SLC29A2: variants seen among roughly 807,000 people sequenced by gnomAD.
SLC29A2 encodes the protein solute carrier family 29 member 2.
A neutral mutation model predicts 48.8 loss-of-function variants in SLC29A2; 37 were observed. The ratio of observed to expected loss-of-function variants is 0.76; its 90% CI spans 0.58 to 1.00. The LOEUF (loss-of-function observed/expected upper bound fraction) is 1.00. SLC29A2 is among the 50% of genes least tolerant of loss of function. SLC29A2 has a pLI of 0.00. For missense variants in SLC29A2, 533 were observed against 578.6 expected (o/e 0.92, Z 0.81); for synonymous variants, 233 against 261.7 (o/e 0.89, Z 1.06).
In SLC29A2 at chr11:66,363,420, G is replaced by A. The variant is rs924262810; in HGVS notation, c.*16C>T. 1 of 1,580,300 alleles carries A rather than the reference G, an allele frequency of 6.3e-7. No individual in the cohort carries two copies. Among genetic ancestry groups the A allele is most frequent in the Non-Finnish European group, 8.7e-7 (1 of 1,149,344 alleles). On this transcript the variant is annotated 3_prime_UTR_variant, in exon 12 of 12. Transcript: ENST00000357440. ...GACGTCGAGAAGAGGCTGCCAAAGA[G>A]CCTGGAGGGGCCACTTCAGAGCAGC...
intron 11 of SLC29A2, 136 bp from the exon 12 acceptor site, chr11:66,363,683 C>G: frequency 1.4e-6 from 1 of 710,190 alleles, no homozygotes; most frequent in Admixed American, 2.1e-5. Flanking sequence ...CTTTCCGGGC[C>G]TCAGTTTCCT....
At chr11:66,365,915 A>C in intron 10 of SLC29A2, 21 bp downstream of exon 10, 1 of 1,608,956 alleles carries the variant, frequency 6.2e-7, no homozygotes, top group Non-Finnish European at 8.5e-7. Flanking sequence ...ACATCGGATC[A>C]CCCAGCCCTG....
Position 66,366,181 on chromosome 11 carries a change from G to T in SLC29A2, c.918C>A (p.Ser306=). 1 of 1,614,184 alleles carries T rather than the reference G, an allele frequency of 6.2e-7. No homozygotes were observed. The highest frequency in any genetic ancestry group is 8.5e-7 in the Non-Finnish European group (1 of 1,180,010). ...CCATGGCTGTGATGGCGGGGAAGAC[G>T]GACAGGGTGACTGTGAAGACCAACA... The part of the protein sequence containing the change: ...CLVLVFTVTL[S]VFPAITAMVT... The change falls in exon 9 of 12, where the codon TCC becomes TCA. Residue 306 remains serine, a synonymous_variant. Transcript: ENST00000357440.
At chr11:66,370,243 G>A (rs1855952306) in intron 2 of SLC29A2, among the ~76,000 whole-genome samples, 1 of 152,202 alleles carries the variant, frequency 6.6e-6, no homozygotes, top group South Asian at 2.1e-4. Context: ...CTTCCATGAA[G>A]CAGAAGGAAC....
chr11:66,367,212 T>TGGTCTTC (rs1163695280), intron 7 of SLC29A2, among the ~76,000 whole-genome samples: 2 of 152,210 alleles, frequency 1.3e-5, no homozygotes, highest in African/African-American at 2.4e-5. Flanking sequence ...GTATTCCAAT[T>TGGTCTTC]CAGAGGTCTT....
chr11:66,367,539 G>A lies in SLC29A2; in HGVS notation c.658C>T (p.Arg220Cys), dbSNP rs962219949. The A allele has an allele frequency of 1.1e-5, 18 of 1,613,938 alleles. No homozygotes were observed. Among genetic ancestry groups the A allele is most frequent in the East Asian group, 6.7e-5 (3 of 44,888 alleles). The change falls in exon 7 of 12, where the codon CGC (arginine) becomes TGC (cysteine). Residue 220 changes from arginine to cysteine, a missense_variant. By Grantham distance (180) the Arg-to-Cys change is radical. Transcript: ENST00000357440. ...GATGATTTATTGGCCAGGTAGTAGC[G>A]GGCAAACTTCTGCAGAAGGACAGGA... ...YLSLPHLKFA[R>C]YYLANKSSQA...
chr11:66,369,000 A>T, intron 4 of SLC29A2, 60 bp downstream of exon 4: 1 of 1,560,780 alleles, frequency 6.4e-7, no homozygotes, highest in Non-Finnish European at 8.7e-7. Flanking sequence ...GGCCCTTTCA[A>T]TGATGAGGCC....
At position 66,363,042 on chromosome 11, in the gene SLC29A2, TG is replaced by T. The variant is rs1229857524; in HGVS notation, c.*393del. 1 of 304,024 alleles carries T rather than the reference TG, an allele frequency of 3.3e-6. No homozygotes were observed. The highest frequency in any genetic ancestry group is 4.5e-5 in the Admixed American group (1 of 22,384). The allele number at this position is 304,024 out of a possible 1,614,324, so 18.8% of individuals were successfully genotyped here. A position where few individuals can be genotyped will look rare whatever the true frequency, so the allele number is the denominator to read the frequency against. On this transcript the variant is annotated 3_prime_UTR_variant, in exon 12 of 12. Coordinates refer to ENST00000357440, the MANE Select transcript of SLC29A2 (RefSeq NM_001532.3). ...CCTTTTACCCTGGGTGGCTGAGGCCTGGGAAGATGAGGCGCTCCTGGCCTGG... is the reference window on the plus strand; with the variant it reads ...CCTTTTACCCTGGGTGGCTGAGGCCTGGAAGATGAGGCGCTCCTGGCCTGG...
At chr11:66,367,367 TG>T in intron 7 of SLC29A2, 96 bp downstream of exon 7, 1 of 989,530 alleles carries the variant, frequency 1.0e-6, no homozygotes, top group Non-Finnish European at 1.6e-6. Context: ...CTACTAGGGG[TG>T]GGCTCTGGCT....
rs767767981 is a variant in SLC29A2 at position 66,366,033 on chromosome 11, A to G, written c.974-12T>C. 9 of 1,613,752 alleles carry G rather than the reference A, an allele frequency of 5.6e-6. No individual in the cohort carries two copies. The highest frequency in any genetic ancestry group is 2.2e-5 in the East Asian group (1 of 44,866). On this transcript the variant is annotated splice_polypyrimidine_tract_variant and intron_variant, in intron 9 of 11. Transcript: ENST00000357440. ...GTTGAAGAACTGACCTGGGAGGGAA[A>G]CGGCTGCAGCTCATACTGGTCTCCA... is the stretch of plus-strand genomic sequence containing the variant.
rs746371660 is a variant in SLC29A2, at chr11:66,363,452, A to C, written c.1355T>G (p.Phe452Cys). The C allele has an allele frequency of 1.2e-6, 2 of 1,613,806 alleles. No individual in the cohort carries two copies. Among genetic ancestry groups the C allele is most frequent in the South Asian group, 2.2e-5 (2 of 91,056 alleles). Residue 452 changes from phenylalanine to cysteine, a missense_variant, in exon 12 of 12, where the codon TTC becomes TGC. Phe to Cys is a radical substitution (Grantham distance 205, BLOSUM62 -2). Transcript: ENST00000357440. The stretch of plus-strand genomic sequence containing the variant: ...GGGGCCACTTCAGAGCAGCGCCTTG[A>C]AGAGGAAGGAGAGGGAGGCTCCACA... ...LSCGASLSFL[F>C]KALL
At chr11:66,364,990 A>G (rs1446301357) in intron 10 of SLC29A2, among the ~76,000 whole-genome samples, 1 of 151,938 alleles carries the variant, frequency 6.6e-6, no homozygotes, top group Non-Finnish European at 1.5e-5. Flanking sequence ...TCTGTCTCCC[A>G]GGCTGGAGAG....
At chr11:66,367,284 T>C (rs1041265815) in intron 7 of SLC29A2, among the ~76,000 whole-genome samples, 180 bp downstream of exon 7, 1 of 152,196 alleles carries the variant, frequency 6.6e-6, no homozygotes, top group Non-Finnish European at 1.5e-5. Flanking sequence ...AGGTGGAAAC[T>C]GAGGCCCAAA....
rs760598356 is a variant in SLC29A2, at chr11:66,369,142, G to A, written c.333C>T (p.Ala111=). Residue 111 remains alanine, a synonymous_variant, in exon 4 of 12, where the codon GCC becomes GCT. Coordinates refer to ENST00000357440, the MANE Select transcript of SLC29A2 (RefSeq NM_001532.3). ...CCACCTTGACCAGCGCTGCTGTCAG[G>A]GCAAAGAGCAGCAGTATGGCCAGCA... The part of the protein sequence containing the change: ...GSLLAILLLF[A]LTAALVKVDM... 6.3e-6 allele frequency: 10 copies of A among 1,584,162 alleles called. No homozygotes were observed. Among genetic ancestry groups the A allele is most frequent in the Non-Finnish European group, 8.6e-6 (10 of 1,165,426 alleles).
chr11:66,365,427 A>C (rs1396095650), intron 10 of SLC29A2, among the ~76,000 whole-genome samples: 1 of 152,242 alleles, frequency 6.6e-6, no homozygotes, highest in Non-Finnish European at 1.5e-5. Context: ...CCGCATCTAC[A>C]GTTTACGTAC....
intron 3 of SLC29A2, 77 bp from the exon 4 acceptor site, chr11:66,369,276 C>T (rs1172569887): frequency 1.3e-6 from 2 of 1,587,282 alleles, no homozygotes; most frequent in Non-Finnish European, 1.7e-6. Flanking sequence ...ACACCTGGGG[C>T]TGGGCAGTAG....
intron 2 of SLC29A2, 28 bp downstream of exon 2, chr11:66,371,216 G>A (rs1244857311): frequency 6.2e-7 from 1 of 1,603,096 alleles, no homozygotes. Context: ...CTGTGGCCAC[G>A]AGGCTGCCAC....
At chr11:66,366,102 C>T (rs769744710) in intron 9 of SLC29A2, 24 bp downstream of exon 9, 39 of 1,607,382 alleles carry the variant, frequency 2.4e-5, no homozygotes, top group African/African-American at 2.7e-5. Context: ...CCTGCCCTGC[C>T]GTCTTCTCCA....
rs35962792 is a variant in SLC29A2 at position 66,370,858 on chromosome 11, C to CAA, written c.111+384_111+385dup. 9.7e-3 allele frequency among the ~76,000 whole-genome samples: 890 copies of CAA among 92,072 alleles called. 15 individuals carry two copies. The highest frequency in any genetic ancestry group is 0.027 in the African/African-American group (632 of 23,820). 60.4% of individuals were successfully genotyped at this position (92,072 alleles called of 152,430 possible). On this transcript the variant is annotated intron_variant, in intron 2 of 11. Transcript: ENST00000357440. ...TGGGCGAAAGAGCCAGACTCTGTCT[C>CAA]AAAAAAAAAAAAAAAAAAAAAGTTT...
Sources: allele counts gnomAD v4.1 joint callset (sites outside exome capture counted in the v4.1 genomes callset), GRCh38; gene constraint gnomAD v4.1.1; transcripts MANE v1.5; gene names NCBI Gene and HGNC (gene_info 2026-07-23, HGNC 2026-07-21).